Variants in SNX30 observed in about 807,000 individuals in gnomAD.
SNX30 encodes the protein sorting nexin-30.
SNX30 carries 24 observed loss-of-function variants against 46.4 expected under a neutral mutation model. The observed-to-expected ratio is 0.52, with a 90% confidence interval of 0.37 to 0.73. The LOEUF is 0.73. Among genes scored for constraint, SNX30 ranks in the 30% least tolerant of loss-of-function variants. SNX30 has a pLI of 0.00. For missense variants in SNX30, 533 were observed against 555.7 expected, an observed-to-expected ratio of 0.96 and a Z score of 0.41; for synonymous variants, 189 against 211.5, an observed-to-expected ratio of 0.89 and a Z score of 0.92.
At chr9:112,862,763 A>G (rs985834363) in intron 7 of SNX30, among the ~76,000 whole-genome samples, 8 of 151,628 alleles carry the variant, frequency 5.3e-5, no homozygotes, top group African/African-American at 1.9e-4. Context: ...GGGTCTTACT[A>G]TGTTGCCCAG....
chr9:112,853,984 T>A (rs1436701791), intron 7 of SNX30, among the ~76,000 whole-genome samples: 1 of 152,232 alleles, frequency 6.6e-6, no homozygotes, highest in Non-Finnish European at 1.5e-5. Flanking sequence ...ACTGGCCTAG[T>A]TTGGAAACCG....
chr9:112,778,108 TG>T (rs1410140090), intron 1 of SNX30, among the ~76,000 whole-genome samples: 7 of 152,074 alleles, frequency 4.6e-5, no homozygotes, highest in African/African-American at 1.7e-4. Flanking sequence ...GGAGTGCCTA[TG>T]TGTGACATCA....
chr9:112,837,343 G>A (rs1045710884), intron 5 of SNX30, among the ~76,000 whole-genome samples: 1 of 152,078 alleles, frequency 6.6e-6, no homozygotes, highest in Non-Finnish European at 1.5e-5. Context: ...AATTCTGATG[G>A]GATCCAAGGG....
chr9:112,787,973 G>T (rs1839959610), intron 1 of SNX30, among the ~76,000 whole-genome samples: 1 of 151,580 alleles, frequency 6.6e-6, no homozygotes, highest in South Asian at 2.1e-4. Flanking sequence ...ATTTTTTTTT[G>T]TATGTTTACT....
At chr9:112,781,359 A>G (rs1752515476) in intron 1 of SNX30, among the ~76,000 whole-genome samples, 1 of 152,140 alleles carries the variant, frequency 6.6e-6, no homozygotes, top group Non-Finnish European at 1.5e-5. Context: ...ATTTTCATGT[A>G]TGTTCAAATC....
At chr9:112,877,632 T>G (rs1841533573), downstream of SNX30, 1 of 152,280 alleles carries the variant, frequency 6.6e-6, no homozygotes, top group Non-Finnish European at 1.5e-5. Flanking sequence ...CCAACTCCTG[T>G]AGCCTCTAAC....
At chr9:112,805,752 A>T (rs929656341) in intron 2 of SNX30, among the ~76,000 whole-genome samples, 4 of 152,222 alleles carry the variant, frequency 2.6e-5, no homozygotes, top group Non-Finnish European at 4.4e-5. Flanking sequence ...TACAGGCATG[A>T]GCCACCACGC....
intron 1 of SNX30, among the ~76,000 whole-genome samples, chr9:112,797,711 CTTTTTT>C (rs71384277): frequency 4.9e-5 from 6 of 121,358 alleles, no homozygotes; most frequent in African/African-American, 1.3e-4. Context: ...TTTTCTTTTT[CTTTTTT>C]TTTTTTTTTT....
chr9:112,796,389 G>C (rs963148058), intron 1 of SNX30, among the ~76,000 whole-genome samples: 19 of 152,226 alleles, frequency 1.2e-4, no homozygotes, highest in African/African-American at 4.6e-4. Flanking sequence ...CAGAGAAGAT[G>C]TTGTCCCCCT....
intron 2 of SNX30, among the ~76,000 whole-genome samples, chr9:112,809,997 C>T (rs550950217): frequency 2.1e-4 from 32 of 152,014 alleles, no homozygotes; most frequent in African/African-American, 6.3e-4. Flanking sequence ...CCTGGGAAGG[C>T]GGAGGAAGCT....
At chr9:112,808,981 C>T (rs1257524046) in intron 2 of SNX30, among the ~76,000 whole-genome samples, 1 of 152,166 alleles carries the variant, frequency 6.6e-6, no homozygotes. Flanking sequence ...AAGAAAATTG[C>T]TCAAAGACAT....
chr9:112,809,784 G>C (rs1840289967), intron 2 of SNX30, among the ~76,000 whole-genome samples: 2 of 152,080 alleles, frequency 1.3e-5, no homozygotes, highest in South Asian at 4.1e-4. Flanking sequence ...GGGTAAGAGA[G>C]AGAAGAGTGT....
At chr9:112,783,078 A>G (rs1192137443) in intron 1 of SNX30, among the ~76,000 whole-genome samples, 1 of 152,242 alleles carries the variant, frequency 6.6e-6, no homozygotes, top group Non-Finnish European at 1.5e-5. Context: ...CATTGTTTTA[A>G]GAAACACTAA....
intron 1 of SNX30, among the ~76,000 whole-genome samples, chr9:112,763,152 G>A (rs780573380): frequency 5.6e-4 from 85 of 151,454 alleles, no homozygotes; most frequent in Middle Eastern, 6.8e-3. Context: ...GACAGCATCT[G>A]CTACAGTTTA....
At chr9:112,845,370 T>C (rs1840923962) in intron 6 of SNX30, among the ~76,000 whole-genome samples, 1 of 152,106 alleles carries the variant, frequency 6.6e-6, no homozygotes, top group South Asian at 2.1e-4. Context: ...TCCAAAAAGG[T>C]CAAGAGTTGG....
chr9:112,839,487 A>G (rs542888426), intron 6 of SNX30, among the ~76,000 whole-genome samples: 2 of 152,348 alleles, frequency 1.3e-5, no homozygotes, highest in East Asian at 3.9e-4. Flanking sequence ...GGACAAAAAA[A>G]ATCTTTGGCC....
intron 7 of SNX30, among the ~76,000 whole-genome samples, chr9:112,861,819 C>G (rs1277552033): frequency 6.6e-6 from 1 of 152,204 alleles, no homozygotes; most frequent in East Asian, 1.9e-4. Context: ...CATCTGTCAT[C>G]TTTAAAGAGC....
In SNX30 at chr9:112,750,928, C is replaced by T; in HGVS notation, c.-74C>T. 1 of 1,158,200 alleles carries T rather than the reference C, an allele frequency of 8.6e-7. No individual in the cohort carries two copies. Among genetic ancestry groups the T allele is most frequent in the East Asian group, 4.1e-5 (1 of 24,472 alleles). The allele number at this position is 1,158,200 out of a possible 1,614,324, so 71.7% of individuals were successfully genotyped here. A position where few individuals can be genotyped will look rare whatever the true frequency, so the allele number is the denominator to read the frequency against. On this transcript the variant is annotated 5_prime_UTR_variant, in exon 1 of 9. Coordinates refer to ENST00000374232, the MANE Select transcript of SNX30 (RefSeq NM_001012994.2). ...AGCGGCGGCCGAGCGGGGCTCGGCC[C>T]GGGGTGCTCGGGGAGCTCGCCGCGG...
chr9:112,778,900 G>T (rs574823803), intron 1 of SNX30, among the ~76,000 whole-genome samples: 2 of 151,942 alleles, frequency 1.3e-5, no homozygotes, highest in African/African-American at 4.8e-5. Flanking sequence ...TTGGGGGGGG[G>T]GGATTTGCAC....
Sources: allele counts gnomAD v4.1 joint callset (sites outside exome capture counted in the v4.1 genomes callset), GRCh38; gene constraint gnomAD v4.1.1; transcripts MANE v1.5; gene names NCBI Gene and HGNC (gene_info 2026-07-23, HGNC 2026-07-21).